The following GGNBP2 variants were observed in gnomAD, a reference collection of about 807,000 sequenced individuals.
GGNBP2 encodes the protein gametogenetin-binding protein 2.
A neutral mutation model predicts 85.9 loss-of-function variants in GGNBP2; 10 were observed. That is an observed-to-expected ratio of 0.12 (90% confidence interval 0.07 to 0.20). The LOEUF (loss-of-function observed/expected upper bound fraction) is 0.20, where lower values mean the gene tolerates loss of function less well. Ranked by LOEUF, GGNBP2 falls within the 10% of genes least tolerant of loss-of-function variation. The probability of loss-of-function intolerance (pLI) is 1.00; values close to 1 mark genes in which losing one functional copy is unlikely to be tolerated. For synonymous variants in GGNBP2, 287 were observed against 285.7 expected (o/e 1.00, Z -0.05); for missense variants, 595 against 857.8 (o/e 0.69, Z 3.83).
intron 4 of GGNBP2, among the ~76,000 whole-genome samples, chr17:36,558,887 A>G (rs2074389807): frequency 6.6e-6 from 1 of 152,048 alleles, no homozygotes; most frequent in Non-Finnish European, 1.5e-5. Context: ...CTTTGGAGGT[A>G]GTGAAAAATG....
In GGNBP2 at chr17:36,585,365, T is replaced by C; in HGVS notation, c.1281T>C (p.Cys427=). The change falls in exon 10 of 14, where the codon TGT becomes TGC. Residue 427 remains cysteine (C), a synonymous_variant. Transcript: ENST00000613102. ...GCAGCACTGAAGATGGTAATACTTG[T>C]GTAGAAGTAATTGTTACCAATGAAA... is the stretch of plus-strand genomic sequence containing the variant. ...ACGSTEDGNT[C]VEVIVTNENT... 1 of 1,612,296 alleles carries C rather than the reference T, an allele frequency of 6.2e-7. No individual in the cohort carries two copies. The highest frequency in any genetic ancestry group is 1.7e-4 in the Middle Eastern group (1 of 6,058).
intron 8 of GGNBP2, among the ~76,000 whole-genome samples, chr17:36,580,182 T>C (rs1037433313): frequency 1.3e-5 from 2 of 151,636 alleles, no homozygotes. Context: ...GTATAAGGAC[T>C]ATTTTTCTTT....
At chr17:36,588,526 G>A (rs2074725914) in intron 13 of GGNBP2, among the ~76,000 whole-genome samples, 1 of 152,094 alleles carries the variant, frequency 6.6e-6, no homozygotes, top group African/African-American at 2.4e-5. Context: ...AAAGTGCTGG[G>A]ATTACAGGCG....
chr17:36,546,110 C>CA (rs1292728470), intron 2 of GGNBP2: 1 of 440,950 alleles, frequency 2.3e-6, no homozygotes, highest in African/African-American at 2.0e-5. Context: ...TCAAAGCACA[C>CA]ATCTCAGAGA....
At chr17:36,584,961 A>AAAAAAGG (rs1555609117) in intron 9 of GGNBP2, among the ~76,000 whole-genome samples, 1 of 152,122 alleles carries the variant, frequency 6.6e-6, no homozygotes, top group African/African-American at 2.4e-5. Context: ...TCAAAAAAAA[A>AAAAAAGG]AAAAAAGGAA....
intron 3 of GGNBP2, 42 bp downstream of exon 3, chr17:36,554,942 A>G (rs1380629252): frequency 8.7e-7 from 1 of 1,151,502 alleles, no homozygotes; most frequent in Non-Finnish European, 1.3e-6. Flanking sequence ...GTGTATGTGT[A>G]TTTTAAAGAC....
chr17:36,561,945 T>C (rs985062339), intron 5 of GGNBP2, among the ~76,000 whole-genome samples: 2 of 151,998 alleles, frequency 1.3e-5, no homozygotes, highest in Non-Finnish European at 2.9e-5. Flanking sequence ...TAAGCAAATA[T>C]TGCCTGATAA....
In GGNBP2 at chr17:36,587,255, C is replaced by G. The variant is rs1270713305; in HGVS notation, c.1890+10C>G. 6.2e-7 allele frequency: 1 copy of G among 1,613,600 alleles called. No homozygotes were observed. The highest frequency in any genetic ancestry group is 8.5e-7 in the Non-Finnish European group (1 of 1,179,712). ...CTTAGTTGAACTCCTTGTAAGTATT[C>G]CATGTGGTCTTACTGTACATAACTG... is the stretch of plus-strand genomic sequence containing the variant. On this transcript the variant is annotated intron_variant, in intron 13 of 13. Coordinates refer to ENST00000613102, the MANE Select transcript of GGNBP2 (RefSeq NM_024835.5).
chr17:36,587,425 T>C (rs1008476197), intron 13 of GGNBP2, 180 bp downstream of exon 13: 2 of 677,864 alleles, frequency 3.0e-6, no homozygotes, highest in Admixed American at 2.5e-5. Context: ...TTTATGCAAC[T>C]ACTCTGGAAC....
At chr17:36,582,718 A>G (rs2074663419) in intron 9 of GGNBP2, among the ~76,000 whole-genome samples, 1 of 152,170 alleles carries the variant, frequency 6.6e-6, no homozygotes, top group Non-Finnish European at 1.5e-5. Context: ...TTATCTCTTT[A>G]CCTGACTTTA....
At position 36,575,644 on chromosome 17, in the gene GGNBP2, A is replaced by ATTTTTTTTT. The variant is rs1195389811; in HGVS notation, c.642-2338_642-2337insTTTTTTTTT. 5.0e-4 allele frequency among the ~76,000 whole-genome samples: 26 copies of ATTTTTTTTT among 52,482 alleles called. 1 individual carries two copies. The highest frequency in any genetic ancestry group is 1.3e-3 in the South Asian group (2 of 1,492). The allele number at this position is 52,482 out of a possible 152,430, so 34.4% of individuals were successfully genotyped here. On this transcript the variant is annotated intron_variant, in intron 6 of 13. Coordinates refer to ENST00000613102, the MANE Select transcript of GGNBP2 (RefSeq NM_024835.5). ...TATATATATATATATATATATATAT[A>ATTTTTTTTT]TATATTTTTTTTTTTTTTTGAGATG...
chr17:36,553,177 A>G (rs1158288870), intron 2 of GGNBP2, among the ~76,000 whole-genome samples: 1 of 152,232 alleles, frequency 6.6e-6, no homozygotes, highest in African/African-American at 2.4e-5. Flanking sequence ...AGGAACACAT[A>G]CAGAAAAAGT....
chr17:36,587,455 T>C lies in GGNBP2; in HGVS notation c.1890+210T>C, dbSNP rs563638323. ...TGGAACACGTTTCCATGGCCGCCTCTGTCTCAGTAGAAGACATTATAGGTA... is the reference window on the plus strand; with the variant it reads ...TGGAACACGTTTCCATGGCCGCCTCCGTCTCAGTAGAAGACATTATAGGTA... On this transcript the variant is annotated intron_variant, in intron 13 of 13. Coordinates refer to ENST00000613102, the MANE Select transcript of GGNBP2 (RefSeq NM_024835.5). The C allele has an allele frequency of 2.5e-5, 15 of 590,662 alleles. No individual in the cohort carries two copies. In the South Asian group the frequency reaches 2.6e-4, roughly 10 times the overall value. The allele number at this position is 590,662 out of a possible 1,614,324, so 36.6% of individuals were successfully genotyped here.
intron 6 of GGNBP2, chr17:36,576,619 G>GTA (rs2074590891): frequency 1.6e-5 from 2 of 123,426 alleles, no homozygotes; most frequent in African/African-American, 3.5e-5. Flanking sequence ...GTGTGTGTGT[G>GTA]TGTGTGTGTG....
At position 36,557,282 on chromosome 17, in the gene GGNBP2, C is replaced by T. The variant is rs771457601; in HGVS notation, c.374C>T (p.Thr125Ile). 10 of 1,613,782 alleles carry T rather than the reference C, an allele frequency of 6.2e-6. No individual in the cohort carries two copies. In the East Asian group the frequency reaches 2.0e-4, roughly 32 times the overall value. Residue 125 changes from threonine (T) to isoleucine (I), a missense_variant, in exon 4 of 14, where the codon ACT (threonine) becomes ATT (isoleucine). By Grantham distance (89) the Thr-to-Ile change is moderately conservative. Around this residue, in one of 9 missense-constraint regions of GGNBP2, gnomAD observed 216 missense variants for 293.4 expected, o/e 0.74. Coordinates refer to ENST00000613102, the MANE Select transcript of GGNBP2 (RefSeq NM_024835.5). ...TVGPKGVLSV[T>I]RSCMTDAKKL... is the part of the protein sequence containing the mutation. ...GGGCCCAAGGGAGTCCTGTCTGTAA[C>T]TAGAAGCTGCATGACTGATGCAAAG...
intron 3 of GGNBP2, among the ~76,000 whole-genome samples, chr17:36,555,314 A>C (rs915183773): frequency 6.6e-6 from 1 of 152,226 alleles, no homozygotes; most frequent in Non-Finnish European, 1.5e-5. Context: ...ATACACTTAA[A>C]TGCAATGTAT....
At chr17:36,546,156 C>T in intron 2 of GGNBP2, 1 of 404,958 alleles carries the variant, frequency 2.5e-6, no homozygotes, top group Non-Finnish European at 4.4e-6. Context: ...GGGCCTACCC[C>T]ATACAGAAAC....
chr17:36,546,442 C>CT (rs991344508), intron 2 of GGNBP2: 3,534 of 145,506 alleles, frequency 0.024, 60 homozygotes, highest in Non-Finnish European at 0.037. Flanking sequence ...TACAGGTGGA[C>CT]TTTTTTTTTT....
chr17:36,583,340 C>T (rs2074670113), intron 9 of GGNBP2, among the ~76,000 whole-genome samples: 1 of 152,128 alleles, frequency 6.6e-6, no homozygotes, highest in Non-Finnish European at 1.5e-5. Context: ...GTGTGAGCCA[C>T]CGCGCCTGAC....
Sources: gnomAD v4.1 joint callset for allele counts (sites outside exome capture counted in the v4.1 genomes callset) on GRCh38, gnomAD v4.1.1 for gene constraint, gnomAD v4.1.1 regional missense constraint, MANE v1.5 for transcripts, NCBI Gene and HGNC (gene_info 2026-07-23, HGNC 2026-07-21) for gene names.